The following LPP variants were observed in gnomAD, a reference collection of about 807,000 sequenced individuals.
The protein encoded by LPP is LIM domain containing preferred translocation partner in lipoma.
LPP carries 38 observed loss-of-function variants against 60.4 expected under a neutral mutation model. That is an observed-to-expected ratio of 0.63 (90% CI 0.49 to 0.83). The LOEUF (loss-of-function observed/expected upper bound fraction) is 0.83, where lower values mean the gene tolerates loss of function less well. Ranked by LOEUF, LPP falls within the 40% of genes least tolerant of loss-of-function variation. The probability of loss-of-function intolerance (pLI) is 0.00; values close to 1 mark genes in which losing one functional copy is unlikely to be tolerated. For missense variants in LPP, 902 were observed against 783.6 expected, an observed-to-expected ratio of 1.15 and a Z score of -1.80; for synonymous variants, 328 against 290.8, an observed-to-expected ratio of 1.13 and a Z score of -1.30.
chr3:188,510,163 G>T (rs1443354975), intron 5 of LPP, among the ~76,000 whole-genome samples: 2 of 152,182 alleles, frequency 1.3e-5, no homozygotes, highest in African/African-American at 2.4e-5. Context: ...CTGGGGTATA[G>T]AAATGATTTT....
At chr3:188,248,279 T>A (rs535555989) in intron 2 of LPP, among the ~76,000 whole-genome samples, 1 of 151,702 alleles carries the variant, frequency 6.6e-6, no homozygotes, top group African/African-American at 2.4e-5. Context: ...TTTTTTTGCA[T>A]TGGGACCTGC....
At chr3:188,516,315 A>G (rs1179985827) in intron 5 of LPP, among the ~76,000 whole-genome samples, 3 of 152,176 alleles carry the variant, frequency 2.0e-5, no homozygotes, top group Non-Finnish European at 2.9e-5. Context: ...TAGATAAAAT[A>G]GATCATATTT....
intron 1 of LPP, among the ~76,000 whole-genome samples, chr3:188,206,708 G>C (rs1679184): frequency 0.012 from 1,886 of 152,294 alleles, 34 homozygotes; most frequent in African/African-American, 0.043. Flanking sequence ...CCAGAACTGG[G>C]GAGTACAGTC....
In LPP at chr3:188,713,084, G is replaced by A. The variant is rs1712268700; in HGVS notation, c.1240+4691G>A. 2.0e-5 allele frequency among the ~76,000 whole-genome samples: 3 copies of A among 152,178 alleles called. No homozygotes were observed. In the South Asian group the frequency reaches 6.2e-4, roughly 31 times the overall value. On this transcript the variant is annotated intron_variant, in intron 8 of 11. Transcript: ENST00000617246. ...GGAGAAAAGGAACTTTTATAATGGA[G>A]AGGTCTCCTGGAAGCCGTCTTAAAC... is the stretch of plus-strand genomic sequence containing the variant.
chr3:188,187,334 C>T (rs1353641832), intron 1 of LPP, among the ~76,000 whole-genome samples: 1 of 152,090 alleles, frequency 6.6e-6, no homozygotes, highest in African/African-American at 2.4e-5. Context: ...CACCTTTAAG[C>T]CACTTATAGG....
At chr3:188,848,987 G>A (rs28380370) in intron 9 of LPP, among the ~76,000 whole-genome samples, 9,141 of 151,738 alleles carry the variant, frequency 0.06, 296 homozygotes, top group African/African-American at 0.084. Context: ...AAGAAAATAG[G>A]TTCCGGGTGT....
chr3:188,306,479 G>T (rs559209737), intron 2 of LPP, among the ~76,000 whole-genome samples: 1 of 152,310 alleles, frequency 6.6e-6, no homozygotes, highest in South Asian at 2.1e-4. Flanking sequence ...TCCAGGATAT[G>T]TTAGGCCATA....
chr3:188,691,095 A>G (rs192143832), intron 7 of LPP, among the ~76,000 whole-genome samples: 1 of 152,258 alleles, frequency 6.6e-6, no homozygotes, highest in Non-Finnish European at 1.5e-5. Context: ...CCTTACCTTT[A>G]TCATCAAAGT....
intron 7 of LPP, among the ~76,000 whole-genome samples, chr3:188,624,156 G>GT (rs1280821096): frequency 6.6e-6 from 1 of 152,166 alleles, no homozygotes; most frequent in African/African-American, 2.4e-5. Flanking sequence ...AAAATGACCT[G>GT]TTTTTCAAGA....
At chr3:188,769,836 A>C (rs548105204) in intron 9 of LPP, among the ~76,000 whole-genome samples, 1 of 152,300 alleles carries the variant, frequency 6.6e-6, no homozygotes, top group South Asian at 2.1e-4. Flanking sequence ...GTGTAGAAAT[A>C]GGACAGCGTT....
Position 188,406,313 on chromosome 3 carries a change from G to A in LPP, c.193G>A (p.Gly65Ser). 6.2e-7 allele frequency: 1 copy of A among 1,613,204 alleles called. No individual in the cohort carries two copies. Among genetic ancestry groups the A allele is most frequent in the Non-Finnish European group, 8.5e-7 (1 of 1,179,472 alleles). Residue 65 changes from glycine (G) to serine (S), a missense_variant and splice_region_variant, in exon 4 of 12, where the codon GGT becomes AGT. By Grantham distance (56) the Gly-to-Ser change is moderately conservative. Transcript: ENST00000617246. ...CCCATACAAACAACCTGGAGGTGAG[G>A]GTAAGTGCTGGGATTTCAGAGTTGG... ...YNPYKQPGGEGDFLPPPPPPL... is the reference protein window; with the variant it reads ...YNPYKQPGGESDFLPPPPPPL...
At chr3:188,795,468 A>T (rs2151075931) in intron 9 of LPP, among the ~76,000 whole-genome samples, 1 of 152,352 alleles carries the variant, frequency 6.6e-6, no homozygotes, top group South Asian at 2.1e-4. Flanking sequence ...TGTGAATTAA[A>T]ATTAGAAGAG....
At chr3:188,509,731 C>T (rs556927972) in intron 5 of LPP, among the ~76,000 whole-genome samples, 191 of 144,658 alleles carry the variant, frequency 1.3e-3, no homozygotes, top group Non-Finnish European at 1.4e-3. Context: ...CTCACTCTGT[C>T]GCCCAGGCTG....
At chr3:188,338,192 C>T (rs1195299197) in intron 2 of LPP, among the ~76,000 whole-genome samples, 2 of 152,202 alleles carry the variant, frequency 1.3e-5, no homozygotes, top group African/African-American at 4.8e-5. Context: ...CAATTAAATC[C>T]TGGCAAACAT....
chr3:188,187,733 C>G (rs1382215043), intron 1 of LPP, among the ~76,000 whole-genome samples: 1 of 152,030 alleles, frequency 6.6e-6, no homozygotes, highest in Admixed American at 6.6e-5. Flanking sequence ...ATTTAAACCC[C>G]TGTGTTTTTA....
intron 2 of LPP, among the ~76,000 whole-genome samples, chr3:188,288,002 TCAG>T (rs1744552428): frequency 6.6e-6 from 1 of 152,158 alleles, no homozygotes; most frequent in South Asian, 2.1e-4. Flanking sequence ...AATAAAAAAA[TCAG>T]CAGTAAAATA....
chr3:188,882,800 G>A lies in LPP; in HGVS notation c.*8321G>A, dbSNP rs532677335. 164 of 182,596 alleles carry A rather than the reference G, an allele frequency of 9.0e-4. No homozygotes were observed. In the South Asian group the frequency reaches 0.014, roughly 15 times the overall value. The allele number at this position is 182,596 out of a possible 1,614,324, so 11.3% of individuals were successfully genotyped here. A position where few individuals can be genotyped will look rare whatever the true frequency, so the allele number is the denominator to read the frequency against. Reference sequence around the variant, plus strand: ...GTCGCCCAGGCTGGAGTGCAGTGGCGCAATCTCGGCTCACTGCAAGCTCCG... The same window carrying A: ...GTCGCCCAGGCTGGAGTGCAGTGGCACAATCTCGGCTCACTGCAAGCTCCG... On this transcript the variant is annotated 3_prime_UTR_variant, in exon 12 of 12. Coordinates refer to ENST00000617246, the MANE Select transcript of LPP (RefSeq NM_001375462.1).
chr3:188,629,163 A>T (rs1847400199), intron 7 of LPP, among the ~76,000 whole-genome samples: 2 of 152,204 alleles, frequency 1.3e-5, no homozygotes, highest in Non-Finnish European at 2.9e-5. Flanking sequence ...GAACAGGAAA[A>T]GCTGGAAGCA....
At chr3:188,531,351 T>C (rs987883818) in intron 6 of LPP, among the ~76,000 whole-genome samples, 2 of 152,166 alleles carry the variant, frequency 1.3e-5, no homozygotes, top group Admixed American at 6.5e-5. Context: ...TATTTTGTTA[T>C]TGACCTTGGT....
Sources: gnomAD v4.1 joint callset for allele counts (sites outside exome capture counted in the v4.1 genomes callset) on GRCh38, gnomAD v4.1.1 for gene constraint, MANE v1.5 for transcripts, NCBI Gene and HGNC (gene_info 2026-07-23, HGNC 2026-07-21) for gene names.